Variants in IL1RAPL2 observed in about 807,000 individuals in gnomAD.
The protein encoded by IL1RAPL2 is interleukin 1 receptor accessory protein like 2, also known as X-linked interleukin-1 receptor accessory protein-like 2.
In IL1RAPL2, 3 loss-of-function variants were observed where a neutral mutation model predicts 44.1. The ratio of observed to expected loss-of-function variants is 0.07; its 90% confidence interval spans 0.03 to 0.18. The LOEUF (loss-of-function observed/expected upper bound fraction) is 0.18. IL1RAPL2 is among the 10% of genes least tolerant of loss of function. The pLI, the probability that IL1RAPL2 is intolerant of heterozygous loss-of-function variation, is 1.00. For missense variants in IL1RAPL2, 391 were observed against 496.4 expected, an observed-to-expected ratio of 0.79 and a Z score of 2.02; for synonymous variants, 181 against 178.8, an observed-to-expected ratio of 1.01 and a Z score of -0.10.
chrX:105,158,080 G>C lies in IL1RAPL2; in HGVS notation c.83-37395G>C, dbSNP rs1468062080. ...GGACCCACCAGGCGCCGTGGCTCAC[G>C]CCTGTAATCCCAGCACTCTGGGAGG... On this transcript the variant is annotated intron_variant, in intron 2 of 10. Coordinates refer to ENST00000372582, the MANE Select transcript of IL1RAPL2 (RefSeq NM_017416.2). 2.7e-5 allele frequency among the ~76,000 whole-genome samples: 3 copies of C among 111,389 alleles called. No homozygotes were observed. The East Asian group carries it at 8.7e-4, about 32-fold the overall frequency.
intron 2 of IL1RAPL2, among the ~76,000 whole-genome samples, chrX:104,686,442 A>G (rs1366549535): frequency 8.9e-6 from 1 of 111,918 alleles, no homozygotes; most frequent in African/African-American, 3.2e-5. Flanking sequence ...TTCCAGAAGA[A>G]GGGCATCCTA....
intron 1 of IL1RAPL2, among the ~76,000 whole-genome samples, chrX:104,578,689 A>G (rs1928286535): frequency 9.0e-6 from 1 of 111,606 alleles, no homozygotes; most frequent in Admixed American, 9.5e-5. Flanking sequence ...GATTTTCAGC[A>G]GGAAGAGAGA....
At chrX:105,507,080 T>G (rs916847732) in intron 6 of IL1RAPL2, among the ~76,000 whole-genome samples, 3 of 111,790 alleles carry the variant, frequency 2.7e-5, no homozygotes, top group Non-Finnish European at 3.8e-5. Flanking sequence ...GAAGAATAAG[T>G]AAATGGAGCA....
chrX:104,636,225 C>T (rs184769221), intron 1 of IL1RAPL2, among the ~76,000 whole-genome samples: 7 of 111,609 alleles, frequency 6.3e-5, no homozygotes, highest in African/African-American at 9.8e-5. Flanking sequence ...GAGGAGTACC[C>T]GGGCATGTGA....
intron 2 of IL1RAPL2, among the ~76,000 whole-genome samples, chrX:105,103,085 G>T (rs560202649): frequency 1.8e-5 from 2 of 111,664 alleles, no homozygotes; most frequent in East Asian, 5.6e-4. Context: ...TTGGTGCCTG[G>T]AACAGTGCCC....
intron 2 of IL1RAPL2, among the ~76,000 whole-genome samples, chrX:105,137,671 T>C (rs1479353814): frequency 8.9e-6 from 1 of 112,339 alleles, no homozygotes; most frequent in Admixed American, 9.4e-5. Context: ...GTTGATTTGG[T>C]CTGATGTTTT....
chrX:104,734,265 T>C (rs747319825), intron 2 of IL1RAPL2, among the ~76,000 whole-genome samples: 3 of 112,479 alleles, frequency 2.7e-5, no homozygotes, highest in Non-Finnish European at 5.6e-5. Context: ...CTAAACATAC[T>C]ACTTCCGTAC....
intron 5 of IL1RAPL2, among the ~76,000 whole-genome samples, chrX:105,325,541 TTATATATATATATATATATATA>T (rs3035842): frequency 1.2e-4 from 9 of 76,093 alleles, no homozygotes; most frequent in African/African-American, 5.6e-4. Context: ...TCTCTTGGTT[TTATATATATATATATATATATA>T]TATATATATA....
intron 2 of IL1RAPL2, among the ~76,000 whole-genome samples, chrX:104,912,431 A>T (rs1302215151): frequency 1.8e-5 from 2 of 110,578 alleles, no homozygotes; most frequent in African/African-American, 6.6e-5. Flanking sequence ...CTAGTTTCAA[A>T]AGGCAATCCC....
At chrX:104,765,241 C>A (rs1932535591) in intron 2 of IL1RAPL2, among the ~76,000 whole-genome samples, 1 of 111,050 alleles carries the variant, frequency 9.0e-6, no homozygotes, top group Admixed American at 9.6e-5. Context: ...AATCTTGTTA[C>A]TTGTTATTGG....
In IL1RAPL2 at chrX:104,759,009, A is replaced by G. The variant is rs757905668; in HGVS notation, c.82+100014A>G. ...CCCAGCCTCCTGCTGAGACATACAT[A>G]CCACATACACACGTGTGTACACACA... is the stretch of plus-strand genomic sequence containing the variant. On this transcript the variant is annotated intron_variant, in intron 2 of 10. Transcript: ENST00000372582. Among the ~76,000 whole-genome samples, 11 of 112,428 alleles carry G rather than the reference A, an allele frequency of 9.8e-5. No individual in the cohort carries two copies. In the East Asian group the frequency reaches 3.1e-3, roughly 32 times the overall value.
chrX:104,645,774 AAAT>A (rs1483508256), intron 1 of IL1RAPL2, among the ~76,000 whole-genome samples: 1 of 112,840 alleles, frequency 8.9e-6, no homozygotes, highest in Non-Finnish European at 1.9e-5. Context: ...TTTATTGAAT[AAAT>A]AAATTAATGG....
intron 5 of IL1RAPL2, among the ~76,000 whole-genome samples, chrX:105,396,423 C>T (rs2035563156): frequency 9.6e-6 from 1 of 104,496 alleles, no homozygotes; most frequent in Non-Finnish European, 2.0e-5. Flanking sequence ...AGAGGTCAGG[C>T]TTATCGATAA....
Position 105,573,024 on chromosome X carries a change from A to G in IL1RAPL2, c.772+88637A>G, listed in dbSNP as rs753281300. On this transcript the variant is annotated intron_variant, in intron 6 of 10. Transcript: ENST00000372582. ...TGAGTTTAAACTTTATCCTGAGAGTAGTGAGAAACCATGGAAGGTTGGTTT... is the reference window on the plus strand; with the variant it reads ...TGAGTTTAAACTTTATCCTGAGAGTGGTGAGAAACCATGGAAGGTTGGTTT... Among the ~76,000 whole-genome samples the G allele has an allele frequency of 1.1e-3, 121 of 110,955 alleles. 1 individual carries two copies. The highest frequency in any genetic ancestry group is 2.0e-3 in the Non-Finnish European group (108 of 52,959).
intron 5 of IL1RAPL2, among the ~76,000 whole-genome samples, chrX:105,339,114 C>CAAAT (rs770305326): frequency 1.8e-5 from 2 of 111,223 alleles, no homozygotes; most frequent in East Asian, 2.8e-4. Context: ...AACAAACAAA[C>CAAAT]AAATAAATAA....
intron 8 of IL1RAPL2, among the ~76,000 whole-genome samples, chrX:105,745,918 A>G (rs1216643101): frequency 1.8e-5 from 2 of 111,733 alleles, no homozygotes; most frequent in Non-Finnish European, 3.8e-5. Flanking sequence ...CCTGGCTTCA[A>G]GCGACCCTCC....
chrX:105,238,452 A>G (rs782520901), intron 4 of IL1RAPL2, among the ~76,000 whole-genome samples: 11 of 111,653 alleles, frequency 9.9e-5, no homozygotes, highest in Non-Finnish European at 1.7e-4. Context: ...ACTGAAAAAT[A>G]GCAGAACAGT....
chrX:105,346,233 G>T (rs1377057620), intron 5 of IL1RAPL2, among the ~76,000 whole-genome samples: 1 of 111,735 alleles, frequency 8.9e-6, no homozygotes, highest in Non-Finnish European at 1.9e-5. Context: ...CCTGTAAACC[G>T]GGAGTCAACA....
intron 5 of IL1RAPL2, among the ~76,000 whole-genome samples, chrX:105,417,131 A>G (rs1305329372): frequency 1.8e-5 from 2 of 112,511 alleles, no homozygotes; most frequent in East Asian, 5.6e-4. Flanking sequence ...CAAAATCGTG[A>G]GATACTGCCT....
Sources: gnomAD v4.1 joint callset for allele counts (sites outside exome capture counted in the v4.1 genomes callset) on GRCh38, gnomAD v4.1.1 for gene constraint, MANE v1.5 for transcripts, NCBI Gene and HGNC (gene_info 2026-07-23, HGNC 2026-07-21) for gene names.